The following GOLGA4 variants were observed in gnomAD, a reference collection of about 807,000 sequenced individuals.
The protein encoded by GOLGA4 is golgin A4, also known as golgin subfamily A member 4.
GOLGA4 carries 169 observed loss-of-function variants against 265.9 expected under a neutral mutation model. That is an observed-to-expected ratio of 0.64 (90% confidence interval 0.56 to 0.72). GOLGA4 has a LOEUF of 0.72. Among genes scored for constraint, GOLGA4 ranks in the 30% least tolerant of loss-of-function variants. The probability of loss-of-function intolerance (pLI) is 0.00; values close to 1 mark genes in which losing one functional copy is unlikely to be tolerated. For synonymous variants in GOLGA4, 923 were observed against 855.8 expected (o/e 1.08, Z -1.37); for missense variants, 2,482 against 2,483.4 (o/e 1.00, Z 0.01).
chr3:37,265,982 C>A (rs1369283787), intron 2 of GOLGA4, among the ~76,000 whole-genome samples: 1 of 141,050 alleles, frequency 7.1e-6, no homozygotes, highest in Non-Finnish European at 1.5e-5. Flanking sequence ...TCCGAGATTG[C>A]ATTACTGTGC....
rs776278687 is a variant in GOLGA4 at position 37,263,437 on chromosome 3, G to A, written c.162+11953G>A. 4.9e-4 allele frequency among the ~76,000 whole-genome samples: 75 copies of A among 152,286 alleles called. No individual in the cohort carries two copies. In the Middle Eastern group the frequency reaches 0.01, roughly 21 times the overall value. The stretch of plus-strand genomic sequence containing the variant: ...GTCCTTACTGATCCAACCAGGAACA[G>A]AAACTAAGAACCGATGGCTGTATTC... On this transcript the variant is annotated intron_variant, in intron 2 of 23. Coordinates refer to ENST00000361924, the MANE Select transcript of GOLGA4 (RefSeq NM_002078.5).
intron 10 of GOLGA4, among the ~76,000 whole-genome samples, chr3:37,307,094 C>G (rs571390322): frequency 2.6e-5 from 4 of 152,258 alleles, no homozygotes; most frequent in Non-Finnish European, 5.9e-5. Context: ...AGGGAAGTTT[C>G]TAGAGTATAG....
chr3:37,275,227 A>G (rs1425288028), intron 2 of GOLGA4, among the ~76,000 whole-genome samples: 2 of 148,778 alleles, frequency 1.3e-5, no homozygotes. Flanking sequence ...AAAAAAAAAA[A>G]AAAAAAAAAA....
chr3:37,270,892 C>T (rs758161528), intron 2 of GOLGA4, among the ~76,000 whole-genome samples: 1 of 151,860 alleles, frequency 6.6e-6, no homozygotes, highest in African/African-American at 2.4e-5. Flanking sequence ...TTATATAACT[C>T]GTGACAATGT....
At position 37,282,127 on chromosome 3, in the gene GOLGA4, C is replaced by T. The variant is rs749522318; in HGVS notation, c.332C>T (p.Thr111Ile). The change falls in exon 3 of 24, where the codon ACT (threonine) becomes ATT (isoleucine). Residue 111 changes from threonine (T) to isoleucine (I), a missense_variant. Thr to Ile is a moderately conservative substitution (Grantham distance 89, BLOSUM62 -1). Around this residue, in one of 3 missense-constraint regions of GOLGA4, gnomAD observed 1,536 missense variants for 1,483.7 expected, o/e 1.04. Coordinates refer to ENST00000361924, the MANE Select transcript of GOLGA4 (RefSeq NM_002078.5). ...SLNRLDLDSS[T>I]ASFDPPSDMD... is the part of the protein sequence containing the mutation. Reference sequence around the variant, plus strand: ...AATCGACTTGACCTGGACAGTTCTACTGCCAGTTTTGATCCACCCTCTGAT... The same window carrying T: ...AATCGACTTGACCTGGACAGTTCTATTGCCAGTTTTGATCCACCCTCTGAT... The T allele has an allele frequency of 6.8e-6, 11 of 1,614,174 alleles. No individual in the cohort carries two copies. The highest frequency in any genetic ancestry group is 1.6e-4 in the Middle Eastern group (1 of 6,062).
chr3:37,342,243 C>G (rs1369145437), intron 20 of GOLGA4, among the ~76,000 whole-genome samples: 1 of 152,132 alleles, frequency 6.6e-6, no homozygotes, highest in Non-Finnish European at 1.5e-5. Flanking sequence ...ACTCGGGAAG[C>G]TGAGGCAGGA....
intron 10 of GOLGA4, chr3:37,313,489 A>T (rs930250032): frequency 2.0e-5 from 3 of 152,166 alleles, no homozygotes; most frequent in African/African-American, 7.2e-5. Flanking sequence ...ATGTCGGTGA[A>T]CAACTGTCTC....
chr3:37,362,059 A>G (rs895311421), intron 23 of GOLGA4, among the ~76,000 whole-genome samples: 6 of 152,242 alleles, frequency 3.9e-5, no homozygotes, highest in South Asian at 4.1e-4. Context: ...TAGAATTTTC[A>G]CAAAATCAAA....
intron 23 of GOLGA4, among the ~76,000 whole-genome samples, 179 bp downstream of exon 23, chr3:37,361,484 C>G (rs1037973263): frequency 6.6e-6 from 1 of 152,086 alleles, no homozygotes; most frequent in Non-Finnish European, 1.5e-5. Flanking sequence ...AAAATTACTA[C>G]CACCAGTAAG....
intron 2 of GOLGA4, among the ~76,000 whole-genome samples, chr3:37,254,200 T>C (rs2096741878): frequency 6.6e-6 from 1 of 152,220 alleles, no homozygotes; most frequent in Non-Finnish European, 1.5e-5. Context: ...ATAGGTTATA[T>C]GTATAAACTG....
At chr3:37,282,322 C>T (rs1463514085) in intron 3 of GOLGA4, 50 bp downstream of exon 3, 1 of 1,333,876 alleles carries the variant, frequency 7.5e-7, no homozygotes, top group Non-Finnish European at 1.1e-6. Flanking sequence ...CCCTTGTTCT[C>T]TCATTCATAT....
At chr3:37,360,758 A>T (rs1218585109) in intron 22 of GOLGA4, among the ~76,000 whole-genome samples, 2 of 152,176 alleles carry the variant, frequency 1.3e-5, no homozygotes, top group Non-Finnish European at 2.9e-5. Context: ...ATTACAAGAG[A>T]GTTATTCAGT....
intron 2 of GOLGA4, among the ~76,000 whole-genome samples, chr3:37,278,122 T>A (rs546553627): frequency 4.6e-5 from 7 of 152,108 alleles, no homozygotes; most frequent in Admixed American, 1.3e-4. Flanking sequence ...AAATTTGTAA[T>A]TCAATAAAGT....
At chr3:37,288,164 C>T (rs1236311941) in intron 4 of GOLGA4, among the ~76,000 whole-genome samples, 9 of 138,470 alleles carry the variant, frequency 6.5e-5, no homozygotes, top group East Asian at 4.1e-4. Flanking sequence ...TGCAGTGGTG[C>T]GATCTTGGCT....
At chr3:37,270,729 C>T (rs2096796386) in intron 2 of GOLGA4, among the ~76,000 whole-genome samples, 1 of 152,100 alleles carries the variant, frequency 6.6e-6, no homozygotes, top group Non-Finnish European at 1.5e-5. Flanking sequence ...ATGCAATTGT[C>T]CCCAACCTTT....
chr3:37,269,673 ATTACAAATAG>A, intron 2 of GOLGA4, among the ~76,000 whole-genome samples: 1 of 152,316 alleles, frequency 6.6e-6, no homozygotes, highest in South Asian at 2.1e-4. Flanking sequence ...TGGAGAAGGC[ATTACAAATAG>A]TGACAGATCT....
intron 5 of GOLGA4, among the ~76,000 whole-genome samples, chr3:37,292,247 A>G (rs1347936556): frequency 6.6e-6 from 1 of 152,186 alleles, no homozygotes; most frequent in Non-Finnish European, 1.5e-5. Flanking sequence ...GTAGGAAATT[A>G]TTTGGAAGAA....
At chr3:37,312,986 C>T (rs756464982) in intron 10 of GOLGA4, among the ~76,000 whole-genome samples, 6 of 152,084 alleles carry the variant, frequency 3.9e-5, no homozygotes, top group Non-Finnish European at 8.8e-5. Context: ...CGACGGATCA[C>T]GAGGTCAGGA....
intron 1 of GOLGA4, chr3:37,250,239 T>G (rs1399255783): frequency 1.3e-5 from 2 of 152,268 alleles, no homozygotes; most frequent in Non-Finnish European, 2.9e-5. Context: ...AGAAATAGAC[T>G]CTTGAATTTT....
Sources: gnomAD v4.1 joint callset for allele counts (sites outside exome capture counted in the v4.1 genomes callset) on GRCh38, gnomAD v4.1.1 for gene constraint, gnomAD v4.1.1 regional missense constraint, MANE v1.5 for transcripts, NCBI Gene and HGNC (gene_info 2026-07-23, HGNC 2026-07-21) for gene names.